The following GRIK3 variants were observed in gnomAD, a reference collection of about 807,000 sequenced individuals.
GRIK3 encodes the protein glutamate receptor ionotropic, kainate 3.
GRIK3 carries 29 observed loss-of-function variants against 102.5 expected under a neutral mutation model. The ratio of observed to expected loss-of-function variants is 0.28; its 90% CI spans 0.21 to 0.39. The LOEUF (loss-of-function observed/expected upper bound fraction) is 0.39. Among genes scored for constraint, GRIK3 ranks in the 10% least tolerant of loss-of-function variants. GRIK3 has a pLI of 1.00. For missense variants in GRIK3, 908 were observed against 1,252.4 expected, an observed-to-expected ratio of 0.73 and a Z score of 4.15; for synonymous variants, 511 against 504.9, an observed-to-expected ratio of 1.01 and a Z score of -0.16.
intron 1 of GRIK3, among the ~76,000 whole-genome samples, chr1:36,929,972 G>T (rs1216640273): frequency 6.6e-6 from 1 of 152,210 alleles, no homozygotes; most frequent in East Asian, 1.9e-4. Flanking sequence ...CTCGCTGCTG[G>T]CAGGAGGCCT....
At position 36,806,002 on chromosome 1, in the gene GRIK3, G is replaced by A; in HGVS notation, c.2314+102C>T. The A allele has an allele frequency of 6.6e-6, 4 of 603,300 alleles. No homozygotes were observed. The highest frequency in any genetic ancestry group is 2.1e-5 in the South Asian group (1 of 48,426). 37.4% of individuals were successfully genotyped at this position (603,300 alleles called of 1,614,324 possible). On this transcript the variant is annotated intron_variant, in intron 14 of 15. Coordinates refer to ENST00000373091, the MANE Select transcript of GRIK3 (RefSeq NM_000831.4). This position sits in a 1 kb window ranked among gnomAD's most constrained non-coding sequence, Gnocchi z 4.0. Reference sequence around the variant, plus strand: ...AAAAGAGAAAACGTCACCTTTATCAGCCCCATGGAATGAGCTGTGAGACGG... The same window carrying A: ...AAAAGAGAAAACGTCACCTTTATCAACCCCATGGAATGAGCTGTGAGACGG...
chr1:37,018,550 T>C (rs1642677341), intron 1 of GRIK3, among the ~76,000 whole-genome samples: 1 of 152,228 alleles, frequency 6.6e-6, no homozygotes, highest in Non-Finnish European at 1.5e-5. Flanking sequence ...CAGAGCTTAC[T>C]GCACCTTATT....
chr1:37,025,259 G>A (rs1490772255), intron 1 of GRIK3, among the ~76,000 whole-genome samples: 1 of 152,192 alleles, frequency 6.6e-6, no homozygotes, highest in African/African-American at 2.4e-5. Flanking sequence ...ATGTAGTGGG[G>A]TCCTCCATTG....
chr1:36,885,216 T>C (rs1158525433), intron 2 of GRIK3, among the ~76,000 whole-genome samples: 1 of 152,182 alleles, frequency 6.6e-6, no homozygotes, highest in African/African-American at 2.4e-5. Context: ...GTGCCTTCAC[T>C]GTAGTGGTGA....
intron 1 of GRIK3, among the ~76,000 whole-genome samples, chr1:36,935,408 T>C (rs1641645948): frequency 6.6e-6 from 1 of 152,178 alleles, no homozygotes; most frequent in East Asian, 1.9e-4. Flanking sequence ...ATACATGCAT[T>C]AGCATCCAGA....
intron 1 of GRIK3, among the ~76,000 whole-genome samples, chr1:36,927,168 C>T (rs1641536060): frequency 1.3e-5 from 2 of 152,206 alleles, no homozygotes; most frequent in Admixed American, 1.3e-4. Flanking sequence ...GAGACAGAGA[C>T]CCTCGTTCAA....
chr1:37,000,281 A>T (rs990681088), intron 1 of GRIK3, among the ~76,000 whole-genome samples: 5 of 152,254 alleles, frequency 3.3e-5, no homozygotes, highest in African/African-American at 1.2e-4. Context: ...CATCACATAC[A>T]TGAGTGAATA....
intron 10 of GRIK3, among the ~76,000 whole-genome samples, chr1:36,836,095 G>A (rs1011703608): frequency 2.0e-5 from 3 of 152,226 alleles, no homozygotes; most frequent in Non-Finnish European, 4.4e-5. Flanking sequence ...GGAGCTCCCA[G>A]CATGCTTTAC....
chr1:36,917,378 G>A (rs1641413358), intron 1 of GRIK3, among the ~76,000 whole-genome samples: 3 of 152,146 alleles, frequency 2.0e-5, no homozygotes, highest in Admixed American at 2.0e-4. Flanking sequence ...TAAAACTTTG[G>A]GGGACTGTTG....
At chr1:36,836,112 T>C (rs796338118) in intron 10 of GRIK3, among the ~76,000 whole-genome samples, 7 of 152,322 alleles carry the variant, frequency 4.6e-5, no homozygotes, top group East Asian at 1.9e-4. Context: ...TTACTTGCAA[T>C]TGTGCTGGCC....
At chr1:36,822,706 T>C (rs1312034411) in intron 11 of GRIK3, among the ~76,000 whole-genome samples, 2 of 152,254 alleles carry the variant, frequency 1.3e-5, no homozygotes, top group East Asian at 3.9e-4. Context: ...TCTTGCTTCC[T>C]TGGGATACTC....
chr1:36,967,381 C>T (rs990808409), intron 1 of GRIK3, among the ~76,000 whole-genome samples: 1 of 152,244 alleles, frequency 6.6e-6, no homozygotes, highest in Non-Finnish European at 1.5e-5. Flanking sequence ...CCTCCATGCC[C>T]AGCAGGGCCT....
At chr1:36,883,536 G>T (rs1641006460) in intron 2 of GRIK3, among the ~76,000 whole-genome samples, 1 of 152,194 alleles carries the variant, frequency 6.6e-6, no homozygotes, top group South Asian at 2.1e-4. Flanking sequence ...CAGACCCAAG[G>T]AAGAGGCCCA....
At chr1:36,999,314 G>A (rs76976109) in intron 1 of GRIK3, among the ~76,000 whole-genome samples, 3,332 of 152,144 alleles carry the variant, frequency 0.022, 57 homozygotes, top group Non-Finnish European at 0.034. Context: ...AGGTAGAGGA[G>A]CAGAGAATCC....
chr1:36,927,218 A>G (rs2173809), intron 1 of GRIK3, among the ~76,000 whole-genome samples: 151,506 of 152,352 alleles, frequency 0.99, 75,342 homozygotes, highest in East Asian at 1. Flanking sequence ...TGCAGACAGT[A>G]AGATTTGTCT....
intron 1 of GRIK3, among the ~76,000 whole-genome samples, chr1:36,956,731 G>C (rs576378785): frequency 6.6e-6 from 1 of 152,268 alleles, no homozygotes; most frequent in South Asian, 2.1e-4. Flanking sequence ...CAGTGGGGAA[G>C]TATGAAGCCA....
rs1215793927 is a variant in GRIK3 at position 36,799,871 on chromosome 1, C to T, written c.*1980G>A. ...CCAGATCTGTCCTGTGCCCCAGCCC[C>T]CGAAGCTCACACATACAAACACAAA... On this transcript the variant is annotated 3_prime_UTR_variant, in exon 16 of 16. Transcript: ENST00000373091. The T allele has an allele frequency of 6.6e-6, 1 of 152,386 alleles. No homozygotes were observed. Among genetic ancestry groups the T allele is most frequent in the Non-Finnish European group, 1.5e-5 (1 of 68,192 alleles). The allele number at this position is 152,386 out of a possible 1,614,324, so 9.4% of individuals were successfully genotyped here.
chr1:37,002,302 G>A (rs1194997625), intron 1 of GRIK3, among the ~76,000 whole-genome samples: 2 of 152,164 alleles, frequency 1.3e-5, no homozygotes, highest in Non-Finnish European at 2.9e-5. Context: ...GCCTGATGAT[G>A]GCTGCTCTAA....
intron 1 of GRIK3, among the ~76,000 whole-genome samples, chr1:36,961,537 C>A (rs1174795823): frequency 6.6e-6 from 1 of 152,194 alleles, no homozygotes; most frequent in Non-Finnish European, 1.5e-5. Context: ...CAGATGCCCA[C>A]CGGGCCCCAG....
Sources: gnomAD v4.1 joint callset for allele counts (sites outside exome capture counted in the v4.1 genomes callset) on GRCh38, gnomAD v4.1.1 for gene constraint, Gnocchi (gnomAD v3.1) non-coding constraint, MANE v1.5 for transcripts, NCBI Gene and HGNC (gene_info 2026-07-23, HGNC 2026-07-21) for gene names.